Variants in SHOC2 observed in about 807,000 individuals in gnomAD.
The protein encoded by SHOC2 is leucine-rich repeat protein SHOC-2.
SHOC2 carries 4 observed loss-of-function variants against 50.2 expected under a neutral mutation model. The ratio of observed to expected loss-of-function variants is 0.08; its 90% confidence interval spans 0.04 to 0.18. The LOEUF is 0.18. Among genes scored for constraint, SHOC2 ranks in the 10% least tolerant of loss-of-function variants. SHOC2 has a pLI of 1.00. For synonymous variants in SHOC2, 218 were observed against 244.5 expected (o/e 0.89, Z 1.01); for missense variants, 388 against 669.6 (o/e 0.58, Z 4.64).
At chr10:110,978,540 T>C (rs1399916332) in intron 2 of SHOC2, among the ~76,000 whole-genome samples, 2 of 152,196 alleles carry the variant, frequency 1.3e-5, no homozygotes, top group Admixed American at 1.3e-4. Flanking sequence ...TGGAATTTTG[T>C]TTATTACTCT....
chr10:110,958,277 C>T (rs1179316082), intron 1 of SHOC2, among the ~76,000 whole-genome samples: 10 of 150,488 alleles, frequency 6.6e-5, no homozygotes, highest in Non-Finnish European at 8.8e-5. Flanking sequence ...TGCAGTGGTG[C>T]GATCTTGGCT....
At chr10:110,922,668 T>A (rs541648291) in intron 1 of SHOC2, among the ~76,000 whole-genome samples, 30 of 152,156 alleles carry the variant, frequency 2.0e-4, no homozygotes, top group South Asian at 1.9e-3. Flanking sequence ...AATAAGATTT[T>A]AAAAAACCCC....
chr10:110,971,975 A>C (rs894963990), intron 2 of SHOC2, among the ~76,000 whole-genome samples: 1 of 151,886 alleles, frequency 6.6e-6, no homozygotes, highest in African/African-American at 2.4e-5. Flanking sequence ...TTTTTCAAAA[A>C]GTTGACCTTA....
At chr10:110,981,427 T>C (rs1196177140) in intron 2 of SHOC2, among the ~76,000 whole-genome samples, 18 of 152,212 alleles carry the variant, frequency 1.2e-4, no homozygotes, top group Non-Finnish European at 4.4e-5. Flanking sequence ...CACATTTCTC[T>C]CCAGTTCTGG....
At chr10:110,936,881 A>G (rs766942635) in intron 1 of SHOC2, 6 of 1,381,034 alleles carry the variant, frequency 4.3e-6, no homozygotes, top group Admixed American at 3.4e-5. Context: ...AGGAACCACC[A>G]TCCGCTTTTT....
rs1406816465 is a variant in SHOC2 at position 110,936,976 on chromosome 10, A to T, written c.-235+17319A>T. The T allele has an allele frequency of 4.1e-6, 6 of 1,456,774 alleles. No individual in the cohort carries two copies. The African/African-American group carries it at 8.4e-5, about 20-fold the overall frequency. 90.2% of individuals were successfully genotyped at this position (1,456,774 alleles called of 1,614,324 possible). ...CTCGCTTGGTCTTGTGGGGCAGCATACTTCGCACAGTCAGCCAGAAGATGG... is the reference window on the plus strand; with the variant it reads ...CTCGCTTGGTCTTGTGGGGCAGCATTCTTCGCACAGTCAGCCAGAAGATGG... On this transcript the variant is annotated intron_variant, in intron 1 of 8. Transcript: ENST00000369452.
intron 3 of SHOC2, among the ~76,000 whole-genome samples, chr10:110,990,216 G>C (rs2097568042): frequency 6.6e-6 from 1 of 152,274 alleles, no homozygotes. Context: ...GGTGAAGCCA[G>C]CTGGGCTCCT....
At chr10:110,981,138 G>A (rs569666511) in intron 2 of SHOC2, among the ~76,000 whole-genome samples, 7 of 152,268 alleles carry the variant, frequency 4.6e-5, no homozygotes, top group Admixed American at 1.3e-4. Flanking sequence ...CAAAAGAATG[G>A]CTCTTTAATG....
chr10:110,944,923 A>G (rs1847218706), intron 1 of SHOC2, among the ~76,000 whole-genome samples: 1 of 151,958 alleles, frequency 6.6e-6, no homozygotes, highest in African/African-American at 2.4e-5. Flanking sequence ...GTAGTTGGCA[A>G]CTCTGCCTTG....
chr10:110,966,826 T>C (rs1847684246), intron 2 of SHOC2, among the ~76,000 whole-genome samples: 1 of 152,170 alleles, frequency 6.6e-6, no homozygotes, highest in African/African-American at 2.4e-5. Context: ...TTACTGAAGT[T>C]TGTGTTTTTG....
upstream of SHOC2, chr10:110,919,569 G>T: frequency 2.6e-6 from 1 of 389,050 alleles, no homozygotes; most frequent in East Asian, 3.6e-5. Context: ...GGCGGGGGGC[G>T]GCGGTTGGGC....
chr10:110,942,049 C>G (rs192169961), intron 1 of SHOC2, among the ~76,000 whole-genome samples: 89 of 152,256 alleles, frequency 5.8e-4, no homozygotes, highest in Non-Finnish European at 1.1e-3. Flanking sequence ...TCATTCTCTG[C>G]TAAGACAAAA....
intron 1 of SHOC2, among the ~76,000 whole-genome samples, chr10:110,920,871 T>C (rs1846628626): frequency 6.6e-6 from 1 of 152,236 alleles, no homozygotes; most frequent in South Asian, 2.1e-4. Context: ...GGCTTACACC[T>C]GTGCCATTTC....
intron 3 of SHOC2, among the ~76,000 whole-genome samples, chr10:110,995,883 G>A (rs1848259079): frequency 6.6e-6 from 1 of 152,142 alleles, no homozygotes; most frequent in South Asian, 2.1e-4. Flanking sequence ...TGTTCCTAGA[G>A]ACAGAGATGT....
chr10:110,976,988 C>G (rs911057515), intron 2 of SHOC2, among the ~76,000 whole-genome samples: 1 of 151,956 alleles, frequency 6.6e-6, no homozygotes, highest in Non-Finnish European at 1.5e-5. Flanking sequence ...TTTGTTGTTG[C>G]TGTATATCAT....
chr10:110,940,389 A>G (rs972157807), intron 1 of SHOC2, among the ~76,000 whole-genome samples: 4 of 152,224 alleles, frequency 2.6e-5, no homozygotes, highest in African/African-American at 7.2e-5. Context: ...TAGAAAAGAA[A>G]TGAATCATAT....
At chr10:111,005,802 A>G (rs1398603817) in intron 5 of SHOC2, among the ~76,000 whole-genome samples, 1 of 152,240 alleles carries the variant, frequency 6.6e-6, no homozygotes, top group Non-Finnish European at 1.5e-5. Context: ...TGAATTGGCC[A>G]CATAGCTGAT....
At chr10:110,948,633 C>T (rs1297170459) in intron 1 of SHOC2, among the ~76,000 whole-genome samples, 1 of 152,012 alleles carries the variant, frequency 6.6e-6, no homozygotes, top group Non-Finnish European at 1.5e-5. Context: ...CCTGAACAAC[C>T]AGTGGATCAA....
At chr10:110,925,407 G>GT (rs1846749356) in intron 1 of SHOC2, among the ~76,000 whole-genome samples, 1 of 151,872 alleles carries the variant, frequency 6.6e-6, no homozygotes, top group Non-Finnish European at 1.5e-5. Context: ...GGGTTTTTTT[G>GT]TTTTTAAGAC....
Sources: allele counts gnomAD v4.1 joint callset (sites outside exome capture counted in the v4.1 genomes callset), GRCh38; gene constraint gnomAD v4.1.1; transcripts MANE v1.5; gene names NCBI Gene and HGNC (gene_info 2026-07-23, HGNC 2026-07-21).